Variants in COX15 observed in about 807,000 individuals in gnomAD.
COX15 encodes the protein cytochrome c oxidase assembly factor COX15, also known as heme A synthase COX15.
Under a neutral mutation model 51.9 loss-of-function variants are expected in COX15, and 51 were observed. That is an observed-to-expected ratio of 0.98 (90% CI 0.78 to 1.24). COX15 has a LOEUF of 1.24. COX15 is among the 50% of genes most tolerant of loss of function. The pLI, the probability that COX15 is intolerant of heterozygous loss-of-function variation, is 0.00. For missense variants in COX15, 420 were observed against 501.1 expected, an observed-to-expected ratio of 0.84 and a Z score of 1.55; for synonymous variants, 188 against 190.5, an observed-to-expected ratio of 0.99 and a Z score of 0.11.
intron 6 of COX15, 103 bp from the exon 7 acceptor site, chr10:99,718,603 G>A: frequency 2.5e-6 from 3 of 1,188,484 alleles, no homozygotes; most frequent in South Asian, 2.4e-5. Flanking sequence ...TAAACTAAGG[G>A]AACAGTCAGA....
chr10:99,720,216 G>C (rs1012096365), intron 6 of COX15, among the ~76,000 whole-genome samples: 1 of 152,108 alleles, frequency 6.6e-6, no homozygotes, highest in Non-Finnish European at 1.5e-5. Flanking sequence ...AGGCTAAGGC[G>C]GGTGGATCAC....
At position 99,713,460 on chromosome 10, in the gene COX15, A is replaced by C. The variant is rs764593739; in HGVS notation, c.*1127T>G. ...ATCCAAATCACTGATTTTAAAAGTA[A>C]AGTTGAATAAGACAGGGCCCTATGA... On this transcript the variant is annotated 3_prime_UTR_variant, in exon 9 of 9. Transcript: ENST00000016171. 3 of 1,613,834 alleles carry C rather than the reference A, an allele frequency of 1.9e-6. No homozygotes were observed. Among genetic ancestry groups the C allele is most frequent in the Non-Finnish European group, 2.5e-6 (3 of 1,179,940 alleles).
At chr10:99,729,869 T>A in intron 1 of COX15, 135 bp from the exon 2 acceptor site, 1 of 884,578 alleles carries the variant, frequency 1.1e-6, no homozygotes, top group Non-Finnish European at 1.8e-6. Context: ...ATCTCTTATC[T>A]GGATTACTGC....
the COX15 span, among the ~76,000 whole-genome samples, chr10:99,696,433 A>G: frequency 6.6e-6 from 1 of 152,376 alleles, no homozygotes; most frequent in South Asian, 2.1e-4. Context: ...AAAATGTACA[A>G]TATATAGTGT....
At chr10:99,694,790 G>A in the COX15 span, among the ~76,000 whole-genome samples, 1 of 152,094 alleles carries the variant, frequency 6.6e-6, no homozygotes, top group South Asian at 2.1e-4. Context: ...ACCCTCCTTG[G>A]CCTCCCAAAG....
the COX15 span, chr10:99,698,922 G>A: frequency 6.9e-7 from 1 of 1,458,472 alleles, no homozygotes; most frequent in Non-Finnish European, 9.3e-7. Context: ...GCCTCACTCT[G>A]TGCCAGGTGC....
chr10:99,711,046 A>G lies in COX15; in HGVS notation c.*3541T>C. On this transcript the variant is annotated 3_prime_UTR_variant, in exon 9 of 9. Coordinates refer to ENST00000016171, the MANE Select transcript of COX15 (RefSeq NM_078470.6). ...GTAATTATCCATTTTCCATTCATGCATTCACTAATTCAATATTTGATATGT... is the reference window on the plus strand; with the variant it reads ...GTAATTATCCATTTTCCATTCATGCGTTCACTAATTCAATATTTGATATGT... 1.0e-6 allele frequency: 1 copy of G among 985,336 alleles called. No individual in the cohort carries two copies. The highest frequency in any genetic ancestry group is 1.2e-6 in the Non-Finnish European group (1 of 829,870). The allele number at this position is 985,336 out of a possible 1,614,324, so 61.0% of individuals were successfully genotyped here.
Position 99,711,109 on chromosome 10 carries a change from A to AC in COX15, c.*3477dup, listed in dbSNP as rs1269265540. On this transcript the variant is annotated 3_prime_UTR_variant, in exon 9 of 9. Transcript: ENST00000016171. ...TGGGAATAACATAAATACAAAAAAA[A>AC]CCCTAAGATAATCATTCACCAGAAG... 23 of 984,392 alleles carry AC rather than the reference A, an allele frequency of 2.3e-5. No individual in the cohort carries two copies. Among genetic ancestry groups the AC allele is most frequent in the Non-Finnish European group, 2.7e-5 (22 of 829,566 alleles). The allele number at this position is 984,392 out of a possible 1,614,324, so 61.0% of individuals were successfully genotyped here. A position where few individuals can be genotyped will look rare whatever the true frequency, so the allele number is the denominator to read the frequency against.
chr10:99,702,492 T>G, the COX15 span: 2 of 1,513,020 alleles, frequency 1.3e-6, no homozygotes, highest in Non-Finnish European at 1.8e-6. Flanking sequence ...TTTTAAAATT[T>G]AATTATTTTT....
At chr10:99,731,758 A>G (rs888193619) in intron 1 of COX15, among the ~76,000 whole-genome samples, 1 of 152,264 alleles carries the variant, frequency 6.6e-6, no homozygotes, top group African/African-American at 2.4e-5. Context: ...ACTGAAGAAC[A>G]GAAAGTTTAA....
chr10:99,718,252 AC>A lies in COX15; in HGVS notation c.987+93del, dbSNP rs2036637330. 7 of 1,349,496 alleles carry A rather than the reference AC, an allele frequency of 5.2e-6. No homozygotes were observed. In the South Asian group the frequency reaches 5.9e-5, roughly 11 times the overall value. The allele number at this position is 1,349,496 out of a possible 1,614,324, so 83.6% of individuals were successfully genotyped here. A position where few individuals can be genotyped will look rare whatever the true frequency, so the allele number is the denominator to read the frequency against. On this transcript the variant is annotated intron_variant, in intron 7 of 8. Transcript: ENST00000016171. ...GAGCAGGAAATATAGTTCCTGCTCT[AC>A]CCTCTCAGTGTTGCCATCAGTGCTT...
chr10:99,699,123 G>A, the COX15 span, among the ~76,000 whole-genome samples: 1 of 152,196 alleles, frequency 6.6e-6, no homozygotes, highest in Non-Finnish European at 1.5e-5. Flanking sequence ...AAATTTTTGT[G>A]TTGGCTAATG....
intron 1 of COX15, among the ~76,000 whole-genome samples, chr10:99,730,925 A>G (rs1177525630): frequency 6.6e-6 from 1 of 152,144 alleles, no homozygotes; most frequent in African/African-American, 2.4e-5. Flanking sequence ...GCACAGTGGC[A>G]CACACTTGTA....
chr10:99,730,263 ATT>A (rs1186151196), intron 1 of COX15, among the ~76,000 whole-genome samples: 2 of 152,210 alleles, frequency 1.3e-5, no homozygotes, highest in Non-Finnish European at 2.9e-5. Flanking sequence ...CAATTTCATC[ATT>A]GTGTGAACCT....
chr10:99,713,631 C>A lies in COX15; in HGVS notation c.*956G>T. The A allele has an allele frequency of 2.7e-6, 3 of 1,093,220 alleles. No individual in the cohort carries two copies. The highest frequency in any genetic ancestry group is 3.9e-6 in the Non-Finnish European group (3 of 761,466). The allele number at this position is 1,093,220 out of a possible 1,614,324, so 67.7% of individuals were successfully genotyped here. A position where few individuals can be genotyped will look rare whatever the true frequency, so the allele number is the denominator to read the frequency against. ...CCTCTCAGGAACCAATTTATACTGT[C>A]GATTCCATTCCTCTCTCTGACCTTG... is the stretch of plus-strand genomic sequence containing the variant. On this transcript the variant is annotated 3_prime_UTR_variant, in exon 9 of 9. Coordinates refer to ENST00000016171, the MANE Select transcript of COX15 (RefSeq NM_078470.6).
downstream of COX15, chr10:99,710,545 G>A: frequency 1.0e-6 from 1 of 985,278 alleles, no homozygotes; most frequent in Non-Finnish European, 1.2e-6. Context: ...CAATAATTTT[G>A]TTGAATTTTG....
intron 8 of COX15, among the ~76,000 whole-genome samples, chr10:99,715,604 T>A (rs2133572457): frequency 6.6e-6 from 1 of 151,402 alleles, no homozygotes; most frequent in African/African-American, 2.4e-5. Context: ...TTAAAAGATA[T>A]TGCCAGCCTG....
intron 3 of COX15, 47 bp from the exon 4 acceptor site, chr10:99,727,201 CT>C: frequency 6.3e-7 from 1 of 1,592,430 alleles, no homozygotes; most frequent in Admixed American, 1.7e-5. Context: ...AAACATCCTT[CT>C]GATTTTTATT....
chr10:99,714,638 C>T lies in COX15; in HGVS notation c.1182G>A (p.Leu394=). ...TCATCAGCCAAAGAGCACCAGTGAGCAAAGCCAAGGAGCCTGACTGGTGAG... is the reference window on the plus strand; with the variant it reads ...TCATCAGCCAAAGAGCACCAGTGAGTAAAGCCAAGGAGCCTGACTGGTGAG... The part of the protein sequence containing the change: ...AATHQSGSLA[L]LTGALWLMNE... Residue 394 remains leucine, a synonymous_variant, in exon 9 of 9, where the codon TTG becomes TTA. Transcript: ENST00000016171. 6.2e-7 allele frequency: 1 copy of T among 1,614,104 alleles called. No individual in the cohort carries two copies. The highest frequency in any genetic ancestry group is 8.5e-7 in the Non-Finnish European group (1 of 1,179,996).
Sources: allele counts gnomAD v4.1 joint callset (sites outside exome capture counted in the v4.1 genomes callset), GRCh38; gene constraint gnomAD v4.1.1; transcripts MANE v1.5; gene names NCBI Gene and HGNC (gene_info 2026-07-23, HGNC 2026-07-21).